The following MGA variants were observed in gnomAD, a reference collection of about 807,000 sequenced individuals.
The protein encoded by MGA is MAX gene-associated protein.
MGA carries 40 observed loss-of-function variants against 261.1 expected under a neutral mutation model. That is an observed-to-expected ratio of 0.15 (90% confidence interval 0.12 to 0.20). The LOEUF (loss-of-function observed/expected upper bound fraction) is 0.20. MGA is among the 10% of genes least tolerant of loss of function. The pLI, the probability that MGA is intolerant of heterozygous loss-of-function variation, is 1.00. For synonymous variants in MGA, 1,302 were observed against 1,290.6 expected, an observed-to-expected ratio of 1.01 and a Z score of -0.19; for missense variants, 3,397 against 3,630.5, an observed-to-expected ratio of 0.94 and a Z score of 1.65.
intron 1 of MGA, among the ~76,000 whole-genome samples, chr15:41,668,410 A>G (rs2057877582): frequency 6.6e-6 from 1 of 152,174 alleles, no homozygotes; most frequent in Non-Finnish European, 1.5e-5. Context: ...TATTTAATTT[A>G]CTCATCACTG....
rs56390631 is a variant in MGA at position 41,638,032 on chromosome 15, C to CTTTTT, written c.-68+16758_-68+16762dup. Among the ~76,000 whole-genome samples the CTTTTT allele has an allele frequency of 9.3e-5, 4 of 43,004 alleles. 1 individual carries two copies. The highest frequency in any genetic ancestry group is 1.3e-4 in the Non-Finnish European group (3 of 23,632). The allele number at this position is 43,004 out of a possible 152,430, so 28.2% of individuals were successfully genotyped here. A position where few individuals can be genotyped will look rare whatever the true frequency, so the allele number is the denominator to read the frequency against. On this transcript the variant is annotated intron_variant, in intron 1 of 8. Transcript: ENST00000566718. ...AGACGTGAGCCACTACTGTGCCCAG[C>CTTTTT]TTTTTTTTTTTTTTTTTTTTTTTTT...
Position 41,696,441 on chromosome 15 carries a change from C to T in MGA, c.1431C>T (p.Thr477=), listed in dbSNP as rs1343327869. 3.1e-6 allele frequency: 5 copies of T among 1,613,840 alleles called. No individual in the cohort carries two copies. In the African/African-American group the frequency reaches 6.7e-5, roughly 22 times the overall value. Reference sequence around the variant, plus strand: ...TCTATCTGGAGCCCTGTGCTGTCACCAGAAGCACAGTTAAGATTTCTGAAC... The same window carrying T: ...TCTATCTGGAGCCCTGTGCTGTCACTAGAAGCACAGTTAAGATTTCTGAAC... The change falls in exon 3 of 24, where the codon ACC becomes ACT. Residue 477 remains threonine, a synonymous_variant. Transcript: ENST00000219905.
intron 20 of MGA, 146 bp downstream of exon 20, chr15:41,760,675 T>G (rs2063401315): frequency 2.7e-6 from 2 of 731,264 alleles, no homozygotes; most frequent in Non-Finnish European, 4.4e-6. Context: ...GAATGCCCAG[T>G]AAATCCCTTA....
At chr15:41,692,453 A>G (rs375170818) in intron 2 of MGA, among the ~76,000 whole-genome samples, 1 of 152,152 alleles carries the variant, frequency 6.6e-6, no homozygotes, top group Non-Finnish European at 1.5e-5. Flanking sequence ...TCCTTTGCCT[A>G]TAGTTGCTTT....
At chr15:41,720,104 T>G (rs2151590666) in intron 9 of MGA, among the ~76,000 whole-genome samples, 1 of 152,284 alleles carries the variant, frequency 6.6e-6, no homozygotes, top group South Asian at 2.1e-4. Flanking sequence ...ATGCGAAGAA[T>G]CTAGAAATAA....
chr15:41,736,941 C>T (rs775909427), intron 13 of MGA, among the ~76,000 whole-genome samples: 13 of 152,066 alleles, frequency 8.5e-5, no homozygotes, highest in Non-Finnish European at 1.3e-4. Flanking sequence ...TTCTAATCTT[C>T]CCAGAAAGTT....
chr15:41,716,168 C>T (rs2060623425), intron 9 of MGA, among the ~76,000 whole-genome samples: 1 of 151,872 alleles, frequency 6.6e-6, no homozygotes, highest in South Asian at 2.1e-4. Flanking sequence ...GGAGGGATGG[C>T]TGGGCACGGT....
intron 19 of MGA, among the ~76,000 whole-genome samples, chr15:41,759,549 A>G (rs1288928611): frequency 6.9e-6 from 1 of 144,226 alleles, no homozygotes; most frequent in African/African-American, 2.6e-5. Flanking sequence ...GTGATCCCCT[A>G]CCTTGGCGTC....
intron 1 of MGA, among the ~76,000 whole-genome samples, chr15:41,629,105 CA>C (rs71108108): frequency 0.079 from 6,165 of 78,028 alleles, 187 homozygotes; most frequent in East Asian, 0.23. Context: ...GACTTCGTCT[CA>C]AAAAAAAAAA....
At chr15:41,678,338 G>A (rs1425604279) in intron 2 of MGA, among the ~76,000 whole-genome samples, 5 of 151,658 alleles carry the variant, frequency 3.3e-5, no homozygotes, top group African/African-American at 9.7e-5. Context: ...TGATCTGCCC[G>A]CCTCAGCCTC....
chr15:41,656,382 C>CTCTCCT (rs2057194512), upstream of MGA, among the ~76,000 whole-genome samples: 1 of 90,406 alleles, frequency 1.1e-5, no homozygotes, highest in African/African-American at 3.3e-5. Flanking sequence ...CTCTCTCACA[C>CTCTCCT]CCAGGCTGGA....
intron 1 of MGA, among the ~76,000 whole-genome samples, chr15:41,626,207 A>G (rs1566919822): frequency 6.6e-6 from 1 of 152,248 alleles, no homozygotes; most frequent in East Asian, 1.9e-4. Context: ...AAAAAGATAA[A>G]TATCAAACGT....
intron 2 of MGA, among the ~76,000 whole-genome samples, chr15:41,677,482 A>G (rs2058447193): frequency 6.6e-6 from 1 of 152,164 alleles, no homozygotes; most frequent in Non-Finnish European, 1.5e-5. Flanking sequence ...GAATTGCTGG[A>G]TCATATGGTA....
chr15:41,710,683 AT>A lies in MGA; in HGVS notation c.2426-5del. On this transcript the variant is annotated splice_region_variant and splice_polypyrimidine_tract_variant and intron_variant, in intron 7 of 23. Transcript: ENST00000219905. ...TTCTTTAAGCATTTTATGTTTTCTT[AT>A]TTCTAGGTGGAAATTCAGAAAGTTC... 1.3e-6 allele frequency: 2 copies of A among 1,587,132 alleles called. No individual in the cohort carries two copies.
chr15:41,622,553 ATT>A (rs1369801439), intron 1 of MGA, among the ~76,000 whole-genome samples: 1 of 152,148 alleles, frequency 6.6e-6, no homozygotes, highest in Non-Finnish European at 1.5e-5. Flanking sequence ...TTCGAAAAAT[ATT>A]GTCTTTTAGA....
rs202145278 is a variant in MGA at position 41,762,252 on chromosome 15, G to A, written c.7634G>A (p.Ser2545Asn). 3.7e-4 allele frequency: 599 copies of A among 1,613,768 alleles called. No homozygotes were observed. Among genetic ancestry groups the A allele is most frequent in the Non-Finnish European group, 4.8e-4 (565 of 1,179,872 alleles). ...GAGTTTGACATATCTCCCAGAATTA[G>A]CAAACAGCAGGAAGGATCTTCTGCA... is the stretch of plus-strand genomic sequence containing the variant. Residue 2545 changes from serine (S) to asparagine (N), a missense_variant, in exon 22 of 24, where the codon AGC (serine) becomes AAC (asparagine). Ser to Asn is a conservative substitution (Grantham distance 46). This residue lies in a region of MGA where 647 missense variants were observed against 642.4 expected (regional missense o/e 1.01). Coordinates refer to ENST00000219905, the MANE Select transcript of MGA (RefSeq NM_001164273.2).
At chr15:41,626,187 A>G (rs1170791639) in intron 1 of MGA, among the ~76,000 whole-genome samples, 3 of 152,168 alleles carry the variant, frequency 2.0e-5, no homozygotes, top group Admixed American at 6.5e-5. Flanking sequence ...ATTACTGTAT[A>G]TAGAAGTCTA....
intron 3 of MGA, among the ~76,000 whole-genome samples, chr15:41,697,234 G>A (rs1430214332): frequency 6.6e-6 from 1 of 152,022 alleles, no homozygotes; most frequent in African/African-American, 2.4e-5. Context: ...ACTTAAAAAA[G>A]TATGTCTTGC....
intron 1 of MGA, among the ~76,000 whole-genome samples, chr15:41,635,954 T>C (rs1211486427): frequency 1.3e-5 from 2 of 152,124 alleles, no homozygotes; most frequent in South Asian, 2.1e-4. Flanking sequence ...CAATTACATA[T>C]AGTATATAAT....
Sources: allele counts gnomAD v4.1 joint callset (sites outside exome capture counted in the v4.1 genomes callset), GRCh38; gene constraint gnomAD v4.1.1; regional missense constraint gnomAD v4.1.1; transcripts MANE v1.5; gene names NCBI Gene and HGNC (gene_info 2026-07-23, HGNC 2026-07-21).